The following SLC35F1 variants were observed in gnomAD, a reference collection of about 807,000 sequenced individuals.
The protein encoded by SLC35F1 is chromosome 6 open reading frame 169.
SLC35F1 carries 14 observed loss-of-function variants against 48.7 expected under a neutral mutation model. The ratio of observed to expected loss-of-function variants is 0.29; its 90% CI spans 0.19 to 0.45. SLC35F1 has a LOEUF of 0.45. SLC35F1 is among the 20% of genes least tolerant of loss of function. SLC35F1 has a pLI of 1.00. For synonymous variants in SLC35F1, 190 were observed against 202.2 expected, an observed-to-expected ratio of 0.94 and a Z score of 0.51; for missense variants, 404 against 500.0, an observed-to-expected ratio of 0.81 and a Z score of 1.83.
intron 1 of SLC35F1, among the ~76,000 whole-genome samples, chr6:117,931,265 G>C (rs2114812198): frequency 6.6e-6 from 1 of 152,196 alleles, no homozygotes; most frequent in Non-Finnish European, 1.5e-5. Context: ...AAAACTACTT[G>C]CTCCTTTTTA....
intron 7 of SLC35F1, among the ~76,000 whole-genome samples, chr6:118,289,328 A>C (rs1776089538): frequency 1.3e-5 from 2 of 152,234 alleles, no homozygotes; most frequent in Non-Finnish European, 2.9e-5. Flanking sequence ...GTTTTAGTAT[A>C]AACAGGAGTT....
intron 1 of SLC35F1, among the ~76,000 whole-genome samples, chr6:117,943,663 C>A (rs1056828546): frequency 2.0e-5 from 3 of 152,120 alleles, no homozygotes; most frequent in African/African-American, 4.8e-5. Context: ...TGAAGGAGGT[C>A]TTTTCATGTG....
chr6:118,033,555 A>G (rs1445586017), intron 1 of SLC35F1, among the ~76,000 whole-genome samples: 1 of 151,982 alleles, frequency 6.6e-6, no homozygotes, highest in African/African-American at 2.4e-5. Flanking sequence ...AAAACATCCC[A>G]TTGAGGAAAC....
At position 117,911,737 on chromosome 6, in the gene SLC35F1, T is replaced by C. The variant is rs910855901; in HGVS notation, c.173+3838T>C. On this transcript the variant is annotated intron_variant, in intron 1 of 7. Transcript: ENST00000360388. ...CTGCAATTGCAGACATGAGCCACTG[T>C]GCCTGGCCTTCCCTTATTTCTTAGC... Among the ~76,000 whole-genome samples the C allele has an allele frequency of 2.6e-5, 4 of 152,110 alleles. No homozygotes were observed. In the East Asian group the frequency reaches 7.7e-4, roughly 29 times the overall value.
chr6:118,170,333 C>T (rs1438384228), intron 2 of SLC35F1, among the ~76,000 whole-genome samples: 1 of 152,194 alleles, frequency 6.6e-6, no homozygotes, highest in Non-Finnish European at 1.5e-5. Context: ...ATATAACATG[C>T]TAATATGTCC....
rs1775267982 is a variant in SLC35F1 at position 118,230,090 on chromosome 6, C to T, written c.350-5419C>T. 3.3e-5 allele frequency among the ~76,000 whole-genome samples: 5 copies of T among 152,158 alleles called. No individual in the cohort carries two copies. The South Asian group carries it at 1.0e-3, about 32-fold the overall frequency. On this transcript the variant is annotated intron_variant, in intron 2 of 7. Coordinates refer to ENST00000360388, the MANE Select transcript of SLC35F1 (RefSeq NM_001029858.4). The stretch of plus-strand genomic sequence containing the variant: ...GGCATGGTGGCTCTTGCCTGTAATC[C>T]CAGCACTTTGGGAGGCCATGGTGGG...
intron 2 of SLC35F1, among the ~76,000 whole-genome samples, chr6:118,176,150 C>G (rs1268853136): frequency 6.6e-6 from 1 of 152,052 alleles, no homozygotes; most frequent in Non-Finnish European, 1.5e-5. Context: ...TTCTCTACCC[C>G]ATGGAATATT....
intron 1 of SLC35F1, among the ~76,000 whole-genome samples, chr6:117,920,580 G>C (rs759671783): frequency 1.3e-5 from 2 of 152,188 alleles, no homozygotes; most frequent in Non-Finnish European, 2.9e-5. Context: ...TTCAGAGATG[G>C]CTCCAAGAAT....
At chr6:117,948,644 C>T (rs1339052341) in intron 1 of SLC35F1, among the ~76,000 whole-genome samples, 1 of 152,046 alleles carries the variant, frequency 6.6e-6, no homozygotes, top group African/African-American at 2.4e-5. Context: ...AAAGAAGAGA[C>T]AAATGATACA....
chr6:118,091,009 T>G (rs538139436), intron 1 of SLC35F1, among the ~76,000 whole-genome samples: 4 of 152,134 alleles, frequency 2.6e-5, no homozygotes, highest in African/African-American at 9.7e-5. Flanking sequence ...GATTGGATTT[T>G]GGGCATGAGA....
chr6:117,910,863 G>T (rs570482293), intron 1 of SLC35F1, among the ~76,000 whole-genome samples: 1 of 152,152 alleles, frequency 6.6e-6, no homozygotes, highest in African/African-American at 2.4e-5. Flanking sequence ...AAACACATAC[G>T]CTATCTATAT....
intron 1 of SLC35F1, among the ~76,000 whole-genome samples, chr6:117,978,452 C>T (rs1329254037): frequency 2.0e-5 from 3 of 152,062 alleles, no homozygotes; most frequent in Non-Finnish European, 4.4e-5. Flanking sequence ...ACACCGTGTC[C>T]CTCCCCTTCC....
intron 2 of SLC35F1, among the ~76,000 whole-genome samples, chr6:118,205,800 G>A (rs992357595): frequency 1.3e-5 from 2 of 152,130 alleles, no homozygotes; most frequent in African/African-American, 4.8e-5. Flanking sequence ...ATATTATTCA[G>A]CCACAAAAGA....
At chr6:118,129,673 G>A (rs1159535454) in intron 1 of SLC35F1, among the ~76,000 whole-genome samples, 1 of 152,100 alleles carries the variant, frequency 6.6e-6, no homozygotes, top group Admixed American at 6.6e-5. Flanking sequence ...AAATAGATTG[G>A]ACCTAGGCTG....
At chr6:118,075,302 A>G (rs1420308050) in intron 1 of SLC35F1, among the ~76,000 whole-genome samples, 8 of 152,248 alleles carry the variant, frequency 5.3e-5, no homozygotes, top group African/African-American at 1.9e-4. Flanking sequence ...CTGTACATTA[A>G]TGATGATACA....
chr6:117,907,711 C>T lies in SLC35F1; in HGVS notation c.-16C>T. ...GGCTGCGTTCTGATCGCCGCCGCGC[C>T]TCAGCCTCTGCCGCGATGATCCCCC... is the stretch of plus-strand genomic sequence containing the variant. On this transcript the variant is annotated 5_prime_UTR_variant, in exon 1 of 8. Coordinates refer to ENST00000360388, the MANE Select transcript of SLC35F1 (RefSeq NM_001029858.4). 1 of 1,482,764 alleles carries T rather than the reference C, an allele frequency of 6.7e-7. No homozygotes were observed. Among genetic ancestry groups the T allele is most frequent in the Non-Finnish European group, 9.0e-7 (1 of 1,105,474 alleles). The allele number at this position is 1,482,764 out of a possible 1,614,324, so 91.9% of individuals were successfully genotyped here.
At chr6:117,989,956 T>TA (rs1268004462) in intron 1 of SLC35F1, among the ~76,000 whole-genome samples, 1 of 152,166 alleles carries the variant, frequency 6.6e-6, no homozygotes, top group Non-Finnish European at 1.5e-5. Context: ...AAACTATATA[T>TA]ATGTGGTATA....
At chr6:117,943,101 A>G (rs1441239565) in intron 1 of SLC35F1, among the ~76,000 whole-genome samples, 1 of 152,040 alleles carries the variant, frequency 6.6e-6, no homozygotes, top group Non-Finnish European at 1.5e-5. Flanking sequence ...TCCATTTTGG[A>G]TTGGGTCTTG....
rs183577831 is a variant in SLC35F1 at position 118,145,835 on chromosome 6, T to C, written c.174-8610T>C. Among the ~76,000 whole-genome samples, 47 of 152,350 alleles carry C rather than the reference T, an allele frequency of 3.1e-4. No individual in the cohort carries two copies. In the East Asian group the frequency reaches 8.3e-3, roughly 27 times the overall value. The stretch of plus-strand genomic sequence containing the variant: ...TACTTTAAAAAATTTTCATTAAATG[T>C]AATAATAATTGTTTAATTAGCCTCA... On this transcript the variant is annotated intron_variant, in intron 1 of 7. Coordinates refer to ENST00000360388, the MANE Select transcript of SLC35F1 (RefSeq NM_001029858.4).
Sources: gnomAD v4.1 joint callset for allele counts (sites outside exome capture counted in the v4.1 genomes callset) on GRCh38, gnomAD v4.1.1 for gene constraint, MANE v1.5 for transcripts, NCBI Gene and HGNC (gene_info 2026-07-23, HGNC 2026-07-21) for gene names.